DMBT1: variants seen among roughly 807,000 people sequenced by gnomAD.
DMBT1 encodes scavenger receptor cysteine-rich domain-containing protein DMBT1.
A neutral mutation model predicts 252.9 loss-of-function variants in DMBT1; 198 were observed. That is an observed-to-expected ratio of 0.78 (90% CI 0.70 to 0.88). The LOEUF (loss-of-function observed/expected upper bound fraction) is 0.88. DMBT1 is among the 40% of genes least tolerant of loss of function. The pLI is 0.00. For synonymous variants in DMBT1, 990 were observed against 942.7 expected (o/e 1.05, Z -0.92); for missense variants, 2,432 against 2,404.7 (o/e 1.01, Z -0.24).
chr10:122,634,330 C>T (rs1331843396), intron 52 of DMBT1, among the ~76,000 whole-genome samples: 4 of 142,940 alleles, frequency 2.8e-5, no homozygotes, highest in East Asian at 2.1e-4. Flanking sequence ...GAGGACATTA[C>T]TAAAAGCACT....
intron 48 of DMBT1, 124 bp downstream of exon 48, chr10:122,630,614 C>G (rs1056994202): frequency 1.9e-6 from 2 of 1,041,410 alleles, no homozygotes; most frequent in Non-Finnish European, 2.8e-6. Context: ...CATTCTCTTT[C>G]TCTTGGCACT....
intron 49 of DMBT1, 121 bp downstream of exon 49, chr10:122,631,402 C>T (rs981333995): frequency 4.0e-6 from 5 of 1,252,166 alleles, no homozygotes; most frequent in Non-Finnish European, 5.6e-6. Context: ...GTCCTCGTGG[C>T]CTGCGCACTC....
intron 41 of DMBT1, among the ~76,000 whole-genome samples, chr10:122,618,652 C>A (rs1223375901): frequency 6.6e-6 from 1 of 152,210 alleles, no homozygotes; most frequent in Non-Finnish European, 1.5e-5. Flanking sequence ...CTGAGTAGCA[C>A]TGGTTGAGGG....
intron 43 of DMBT1, 127 bp downstream of exon 43, chr10:122,620,418 G>A: frequency 8.9e-7 from 1 of 1,129,068 alleles, no homozygotes. Context: ...GTTGCCTGGG[G>A]AGGTAGACTC....
At chr10:122,599,903 T>A (rs535546414) in intron 26 of DMBT1, among the ~76,000 whole-genome samples, 161 bp from the exon 27 acceptor site, 13 of 152,116 alleles carry the variant, frequency 8.5e-5, no homozygotes, top group African/African-American at 3.1e-4. Flanking sequence ...ACCCCTTACA[T>A]GGTGCATCTC....
At chr10:122,586,632 G>A (rs2097792337) in intron 16 of DMBT1, among the ~76,000 whole-genome samples, 1 of 148,498 alleles carries the variant, frequency 6.7e-6, no homozygotes, top group African/African-American at 2.4e-5. Flanking sequence ...AGCGCAAGCA[G>A]AGGGAGAAGA....
At chr10:122,563,216 T>G (rs1237880779) in intron 1 of DMBT1, among the ~76,000 whole-genome samples, 1 of 152,220 alleles carries the variant, frequency 6.6e-6, no homozygotes, top group African/African-American at 2.4e-5. Context: ...ATGCCCCTCC[T>G]CTGCCACTTG....
intron 1 of DMBT1, among the ~76,000 whole-genome samples, chr10:122,561,200 A>G (rs1057128663): frequency 3.9e-5 from 6 of 152,246 alleles, no homozygotes; most frequent in African/African-American, 9.6e-5. Flanking sequence ...TTTGTGTGCT[A>G]TGAAAACGGG....
chr10:122,633,040 C>T (rs1377094403), intron 51 of DMBT1, 150 bp downstream of exon 51: 42 of 1,500,074 alleles, frequency 2.8e-5, no homozygotes, highest in Admixed American at 6.0e-5. Context: ...AGTGGACGGT[C>T]CAGATCTAGG....
At chr10:122,570,862 A>G in intron 3 of DMBT1, 28 bp from the exon 4 acceptor site, 2 of 1,610,516 alleles carry the variant, frequency 1.2e-6, no homozygotes, top group Non-Finnish European at 8.5e-7. Flanking sequence ...GCTACCATCA[A>G]TGAGCTCTTC....
chr10:122,600,630 C>T (rs2097941885), intron 27 of DMBT1, among the ~76,000 whole-genome samples: 1 of 152,184 alleles, frequency 6.6e-6, no homozygotes, highest in Non-Finnish European at 1.5e-5. Context: ...TGATTGTCCC[C>T]TGGGCAGCCC....
rs569434712 is a variant in DMBT1, at chr10:122,598,083, T to G, written c.2956+71T>G. ...GGACAAATGTTTTTTCTGAAAATGA[T>G]AGGATGAGGGTCAAGGTGGGCCCCT... is the stretch of plus-strand genomic sequence containing the variant. On this transcript the variant is annotated intron_variant, in intron 25 of 55. Transcript: ENST00000338354. 1.3e-5 allele frequency: 21 copies of G among 1,607,232 alleles called. 1 individual carries two copies. The African/African-American group carries it at 2.3e-4, about 17-fold the overall frequency.
chr10:122,622,966 T>C (rs1347653973), intron 44 of DMBT1, among the ~76,000 whole-genome samples: 1 of 152,234 alleles, frequency 6.6e-6, no homozygotes, highest in African/African-American at 2.4e-5. Context: ...TCTCCCTGGC[T>C]GTTGCCCATG....
In DMBT1 at chr10:122,633,338, T is replaced by G. The variant is rs559480293; in HGVS notation, c.6545T>G (p.Val2182Gly). 6.2e-7 allele frequency: 1 copy of G among 1,613,878 alleles called. No homozygotes were observed. Among genetic ancestry groups the G allele is most frequent in the South Asian group, 1.1e-5 (1 of 91,040 alleles). The change falls in exon 52 of 56, where the codon GTC becomes GGC. Residue 2182 changes from valine to glycine, a missense_variant. This residue lies in a region of DMBT1 where 1,162 missense variants were observed against 1,169.0 expected (regional missense o/e 0.99). Transcript: ENST00000338354. ...CGTGTGACTGTGATCTTCAGAGATG[T>G]CCAGTAAGTGTGCGCCCAGAAGAAT... ...NYRVTVIFRDVQLEGGCNYDY... is the reference protein window; with the variant it reads ...NYRVTVIFRDGQLEGGCNYDY...
intron 52 of DMBT1, among the ~76,000 whole-genome samples, chr10:122,635,144 C>T (rs1428126813): frequency 6.6e-6 from 1 of 152,234 alleles, no homozygotes. Context: ...CCATTTGTGA[C>T]ATTTTACAAA....
intron 44 of DMBT1, among the ~76,000 whole-genome samples, chr10:122,622,276 C>T (rs2098077544): frequency 6.6e-6 from 1 of 152,180 alleles, no homozygotes; most frequent in African/African-American, 2.4e-5. Context: ...CCGCTCCCTA[C>T]CTCAATCAAT....
intron 46 of DMBT1, 76 bp from the exon 47 acceptor site, chr10:122,629,764 A>G: frequency 6.5e-7 from 1 of 1,531,222 alleles, no homozygotes; most frequent in East Asian, 2.3e-5. Flanking sequence ...ACTGGATGAT[A>G]CTTACACAGA....
chr10:122,579,171 T>TG (rs147422407), intron 9 of DMBT1, among the ~76,000 whole-genome samples: 3,177 of 152,190 alleles, frequency 0.021, 111 homozygotes, highest in African/African-American at 0.071. Context: ...GAACAAGCCC[T>TG]GGGGGTCTCC....
intron 17 of DMBT1, 98 bp downstream of exon 17, chr10:122,589,365 C>T: frequency 1.3e-6 from 2 of 1,517,410 alleles, no homozygotes; most frequent in Non-Finnish European, 1.8e-6. Flanking sequence ...CTTTTTCAAC[C>T]TTTCCTATGT....
Sources: gnomAD v4.1 joint callset for allele counts (sites outside exome capture counted in the v4.1 genomes callset) on GRCh38, gnomAD v4.1.1 for gene constraint, gnomAD v4.1.1 regional missense constraint, MANE v1.5 for transcripts, NCBI Gene and HGNC (gene_info 2026-07-23, HGNC 2026-07-21) for gene names.